KDM5A: variants seen among roughly 807,000 people sequenced by gnomAD.
KDM5A encodes the protein lysine demethylase 5A.
KDM5A carries 42 observed loss-of-function variants against 193.5 expected under a neutral mutation model. That is an observed-to-expected ratio of 0.22 (90% CI 0.17 to 0.28). KDM5A has a LOEUF of 0.28. KDM5A is among the 10% of genes least tolerant of loss of function. The probability of loss-of-function intolerance (pLI) is 1.00; values close to 1 mark genes in which losing one functional copy is unlikely to be tolerated. For missense variants in KDM5A, 1,692 were observed against 2,055.1 expected (o/e 0.82, Z 3.42); for synonymous variants, 796 against 718.1 (o/e 1.11, Z -1.73).
chr12:286,384 AG>A (rs1296378148), intron 27 of KDM5A, among the ~76,000 whole-genome samples: 17 of 152,224 alleles, frequency 1.1e-4, no homozygotes, highest in African/African-American at 3.9e-4. Flanking sequence ...ACAGGAGGCT[AG>A]GAAGGGATTG....
chr12:365,075 CAG>C (rs1458743215), intron 4 of KDM5A, among the ~76,000 whole-genome samples: 1 of 151,498 alleles, frequency 6.6e-6, no homozygotes, highest in Non-Finnish European at 1.5e-5. Flanking sequence ...TTTTTTGAGA[CAG>C]GGTCTCACTC....
At chr12:326,032 C>T (rs930398572) in intron 14 of KDM5A, among the ~76,000 whole-genome samples, 5 of 152,040 alleles carry the variant, frequency 3.3e-5, no homozygotes, top group African/African-American at 9.7e-5. Context: ...AAAAAGGAAA[C>T]GTATGAGTCA....
chr12:317,589 A>AT (rs1474572210), intron 19 of KDM5A, among the ~76,000 whole-genome samples: 5 of 152,236 alleles, frequency 3.3e-5, no homozygotes, highest in African/African-American at 1.2e-4. Flanking sequence ...AACGGTCTAC[A>AT]TGTAGCCCCA....
chr12:305,969 GTT>G (rs3038312), intron 24 of KDM5A, among the ~76,000 whole-genome samples: 26 of 104,200 alleles, frequency 2.5e-4, no homozygotes, highest in Admixed American at 2.2e-4. Flanking sequence ...CAATGGAAGT[GTT>G]TTTTTTTTTT....
intron 26 of KDM5A, among the ~76,000 whole-genome samples, chr12:295,243 GGAAAGGGGAAAGGA>G (rs1262680967): frequency 7.4e-6 from 1 of 135,928 alleles, no homozygotes; most frequent in Non-Finnish European, 1.6e-5. Flanking sequence ...AGAAAGGAAA[GGAAAGGGGAAAGGA>G]GAAAGGGGAA....
chr12:351,645 C>T (rs1259514451), intron 9 of KDM5A, among the ~76,000 whole-genome samples: 2 of 152,148 alleles, frequency 1.3e-5, no homozygotes, highest in Non-Finnish European at 2.9e-5. Context: ...TAAAGGATTA[C>T]TCATACAGGG....
intron 2 of KDM5A, 102 bp downstream of exon 2, chr12:385,795 C>A: frequency 2.3e-6 from 2 of 873,828 alleles, no homozygotes; most frequent in South Asian, 1.3e-5. Flanking sequence ...TACCAATTAA[C>A]ACAAACTCTA....
chr12:297,210 A>G lies in KDM5A; in HGVS notation c.4075-10T>C, dbSNP rs778494592. The G allele has an allele frequency of 1.2e-6, 2 of 1,613,668 alleles. No homozygotes were observed. Among genetic ancestry groups the G allele is most frequent in the South Asian group, 2.2e-5 (2 of 91,080 alleles). On this transcript the variant is annotated splice_polypyrimidine_tract_variant and intron_variant, in intron 24 of 27. Transcript: ENST00000399788. ...TCACACTGGCTGTGTCCTGAAGAAG[A>G]AACAAAGAGAAGTATTCAGAATTAG...
chr12:292,886 G>A lies in KDM5A; in HGVS notation c.4739C>T (p.Thr1580Ile), dbSNP rs1943315839. The change falls in exon 27 of 28, where the codon ACT becomes ATT. Residue 1580 changes from threonine to isoleucine, a missense_variant. By Grantham distance (89) the Thr-to-Ile change is moderately conservative. Coordinates refer to ENST00000399788, the MANE Select transcript of KDM5A (RefSeq NM_001042603.3). ...CACCTTTTTCTCTCTTTTCTTTTCA[G>A]TGCTCTCTTTCACAAGTTCAACTTT... The part of the protein sequence containing the change: ...AAKVELVKES[T>I]EKKREKKVLD... 6.2e-7 allele frequency: 1 copy of A among 1,614,120 alleles called. No individual in the cohort carries two copies. The highest frequency in any genetic ancestry group is 8.5e-7 in the Non-Finnish European group (1 of 1,180,020).
At chr12:296,149 T>C (rs561558048) in intron 25 of KDM5A, among the ~76,000 whole-genome samples, 37 of 151,974 alleles carry the variant, frequency 2.4e-4, no homozygotes, top group African/African-American at 8.7e-4. Context: ...TGAAACCCCA[T>C]CTCTACTAAA....
rs958686141 is a variant in KDM5A at position 295,444 on chromosome 12, G to A, written c.4455+129C>T. 4 of 866,604 alleles carry A rather than the reference G, an allele frequency of 4.6e-6. No individual in the cohort carries two copies. The African/African-American group carries it at 6.6e-5, about 14-fold the overall frequency. The allele number at this position is 866,604 out of a possible 1,614,324, so 53.7% of individuals were successfully genotyped here. ...CAAGCCATAAAGCCCAATTTCTTTGGCTGAAGTGGGAAAGTAGACCAGCCA... is the reference window on the plus strand; with the variant it reads ...CAAGCCATAAAGCCCAATTTCTTTGACTGAAGTGGGAAAGTAGACCAGCCA... On this transcript the variant is annotated intron_variant, in intron 26 of 27. Coordinates refer to ENST00000399788, the MANE Select transcript of KDM5A (RefSeq NM_001042603.3).
At chr12:382,380 T>C (rs769425174) in intron 3 of KDM5A, among the ~76,000 whole-genome samples, 10 of 151,776 alleles carry the variant, frequency 6.6e-5, no homozygotes, top group South Asian at 2.1e-4. Context: ...GAAGAATCAC[T>C]TGAACCCGGG....
At position 355,173 on chromosome 12, in the gene KDM5A, A is replaced by T. The variant is rs1944216483; in HGVS notation, c.855T>A (p.Thr285=). The change falls in exon 7 of 28, where the codon ACT becomes ACA. Residue 285 remains threonine (T), a synonymous_variant. Transcript: ENST00000399788. ...AAACACTTACAAAGTTAACAGAGAG[A>T]GTGCCTTTCCGTTGTCTCATTTGCA... ...FNMQMRQRKG[T]LSVNFVDLYV... is the part of the protein sequence containing the mutation. 2 of 1,603,624 alleles carry T rather than the reference A, an allele frequency of 1.2e-6. No individual in the cohort carries two copies. Among genetic ancestry groups the T allele is most frequent in the South Asian group, 1.1e-5 (1 of 90,886 alleles).
chr12:320,902 A>C, intron 18 of KDM5A, 93 bp downstream of exon 18: 2 of 925,880 alleles, frequency 2.2e-6, no homozygotes, highest in East Asian at 2.4e-5. Context: ...AAATCAGAGC[A>C]AAAAACTAGT....
At chr12:388,449 G>C (rs1323621673) in intron 1 of KDM5A, 1 of 392,592 alleles carries the variant, frequency 2.5e-6, no homozygotes, top group Non-Finnish European at 5.0e-6. Context: ...GCAATAATTA[G>C]TCTGGAGTTC....
At chr12:364,005 T>C (rs1297500326) in intron 4 of KDM5A, among the ~76,000 whole-genome samples, 1 of 151,918 alleles carries the variant, frequency 6.6e-6, no homozygotes, top group African/African-American at 2.4e-5. Context: ...ATTAGAGAAA[T>C]GCAAATTAAA....
chr12:385,789 A>T (rs1265555636), intron 2 of KDM5A, 108 bp downstream of exon 2: 1 of 828,076 alleles, frequency 1.2e-6, no homozygotes, highest in Non-Finnish European at 2.1e-6. Flanking sequence ...ATTCAATACC[A>T]ATTAACACAA....
intron 19 of KDM5A, among the ~76,000 whole-genome samples, chr12:313,465 C>T (rs941676803): frequency 7.2e-5 from 11 of 152,064 alleles, no homozygotes; most frequent in Admixed American, 1.3e-4. Context: ...TTATTTTCCC[C>T]GGTCATTTAG....
chr12:330,085 G>GTGTGTGTGTA lies in KDM5A; in HGVS notation c.1774-1057_1774-1056insTACACACACA, dbSNP rs377271333. ...TGTGTGTGTGTGTGTGTGTGTGTGT[G>GTGTGTGTGTA]TATATATATATATCTTATGATTAGC... On this transcript the variant is annotated intron_variant, in intron 13 of 27. Transcript: ENST00000399788. Among the ~76,000 whole-genome samples the GTGTGTGTGTA allele has an allele frequency of 5.6e-3, 776 of 139,354 alleles. 19 individuals carry two copies. Among genetic ancestry groups the GTGTGTGTGTA allele is most frequent in the Admixed American group, 0.039 (541 of 13,974 alleles). The allele number at this position is 139,354 out of a possible 152,430, so 91.4% of individuals were successfully genotyped here.
Sources: allele counts gnomAD v4.1 joint callset (sites outside exome capture counted in the v4.1 genomes callset), GRCh38; gene constraint gnomAD v4.1.1; transcripts MANE v1.5; gene names NCBI Gene and HGNC (gene_info 2026-07-23, HGNC 2026-07-21).